The following PTPRJ variants were observed in gnomAD, a reference collection of about 807,000 sequenced individuals.
PTPRJ encodes the protein protein tyrosine phosphatase receptor type J, also known as receptor-type tyrosine-protein phosphatase eta.
A neutral mutation model predicts 141.3 loss-of-function variants in PTPRJ; 129 were observed. The ratio of observed to expected loss-of-function variants is 0.91; its 90% CI spans 0.79 to 1.06. The LOEUF is 1.06. PTPRJ is among the 50% of genes least tolerant of loss of function. The pLI, the probability that PTPRJ is intolerant of heterozygous loss-of-function variation, is 0.00. For missense variants in PTPRJ, 1,601 were observed against 1,679.7 expected, an observed-to-expected ratio of 0.95 and a Z score of 0.82; for synonymous variants, 610 against 640.5, an observed-to-expected ratio of 0.95 and a Z score of 0.72.
chr11:48,108,065 G>A (rs1856341759), intron 1 of PTPRJ, among the ~76,000 whole-genome samples: 2 of 152,218 alleles, frequency 1.3e-5, no homozygotes, highest in African/African-American at 4.8e-5. Context: ...GCCTGTGACA[G>A]AGTGAGACCT....
intron 1 of PTPRJ, among the ~76,000 whole-genome samples, chr11:48,002,717 A>G (rs1425970227): frequency 6.6e-6 from 1 of 152,152 alleles, no homozygotes; most frequent in Non-Finnish European, 1.5e-5. Flanking sequence ...GCCTGAGGTC[A>G]GGTCACCTTG....
At chr11:47,996,672 G>A (rs1565249188) in intron 1 of PTPRJ, among the ~76,000 whole-genome samples, 3 of 152,240 alleles carry the variant, frequency 2.0e-5, no homozygotes, top group Non-Finnish European at 2.9e-5. Flanking sequence ...TGACTTTGGG[G>A]CTGCAGAGTG....
intron 1 of PTPRJ, among the ~76,000 whole-genome samples, chr11:48,052,275 C>T (rs1854590154): frequency 6.6e-6 from 1 of 152,216 alleles, no homozygotes; most frequent in South Asian, 2.1e-4. Context: ...TGAGTTTGTG[C>T]TGGGAGCATA....
At chr11:48,032,863 A>T (rs1281911699) in intron 1 of PTPRJ, among the ~76,000 whole-genome samples, 1 of 152,206 alleles carries the variant, frequency 6.6e-6, no homozygotes, top group African/African-American at 2.4e-5. Context: ...GATATGCCCC[A>T]AACAGACCAA....
At chr11:48,039,378 A>G (rs1272637636) in intron 1 of PTPRJ, among the ~76,000 whole-genome samples, 2 of 151,750 alleles carry the variant, frequency 1.3e-5, no homozygotes, top group Non-Finnish European at 2.9e-5. Flanking sequence ...AAAGTCATAT[A>G]GTAAATGGCA....
intron 1 of PTPRJ, among the ~76,000 whole-genome samples, chr11:47,987,441 C>T (rs1854079911): frequency 6.6e-6 from 1 of 152,160 alleles, no homozygotes; most frequent in Admixed American, 6.5e-5. Flanking sequence ...GTCTGGGGGA[C>T]AGGCACTGAG....
Position 48,167,512 on chromosome 11 carries a change from A to G in PTPRJ, c.*150A>G. 1.1e-6 allele frequency: 1 copy of G among 901,430 alleles called. No individual in the cohort carries two copies. The highest frequency in any genetic ancestry group is 1.6e-6 in the Non-Finnish European group (1 of 629,686). The allele number at this position is 901,430 out of a possible 1,614,324, so 55.8% of individuals were successfully genotyped here. ...TAATTTTGAGGGCATGAAGCTGCAT[A>G]TGATAGATGACAAATTGGGGCTGTC... On this transcript the variant is annotated 3_prime_UTR_variant, in exon 25 of 25. Transcript: ENST00000418331.
chr11:48,128,042 C>T lies in PTPRJ; in HGVS notation c.1356C>T (p.Thr452=). The T allele has an allele frequency of 1.2e-6, 2 of 1,610,664 alleles. No individual in the cohort carries two copies. Among genetic ancestry groups the T allele is most frequent in the South Asian group, 2.2e-5 (2 of 91,002 alleles). The part of the protein sequence containing the change: ...EGTPGFLQVH[T]PPVPVSDFRV... Reference sequence around the variant, plus strand: ...CGCCGGGCTTCCTCCAAGTGCACACCCGTGAGTTCATGCCTGGCTCTCACC... The same window carrying T: ...CGCCGGGCTTCCTCCAAGTGCACACTCGTGAGTTCATGCCTGGCTCTCACC... Residue 452 remains threonine, a splice_region_variant and synonymous_variant, in exon 7 of 25, where the codon ACC becomes ACT. Coordinates refer to ENST00000418331, the MANE Select transcript of PTPRJ (RefSeq NM_002843.4).
chr11:48,092,499 G>A (rs1235218064), intron 1 of PTPRJ, among the ~76,000 whole-genome samples: 1 of 151,374 alleles, frequency 6.6e-6, no homozygotes, highest in Non-Finnish European at 1.5e-5. Flanking sequence ...GCGAGATCTT[G>A]GCTCACTGCA....
At chr11:48,116,624 C>T (rs1222815073) in intron 3 of PTPRJ, among the ~76,000 whole-genome samples, 1 of 152,212 alleles carries the variant, frequency 6.6e-6, no homozygotes, top group South Asian at 2.1e-4. Flanking sequence ...AGAATACACA[C>T]TTTTCAACTG....
At chr11:48,024,647 A>G (rs1215588969) in intron 1 of PTPRJ, among the ~76,000 whole-genome samples, 1 of 152,238 alleles carries the variant, frequency 6.6e-6, no homozygotes, top group African/African-American at 2.4e-5. Context: ...ACTGTACATC[A>G]GCCCTGTTTT....
chr11:48,085,179 A>C (rs1368570579), intron 1 of PTPRJ, among the ~76,000 whole-genome samples: 1 of 152,186 alleles, frequency 6.6e-6, no homozygotes, highest in African/African-American at 2.4e-5. Context: ...ACGCAGAAGC[A>C]AATATGAGAA....
chr11:48,089,211 C>G (rs1855795302), intron 1 of PTPRJ, among the ~76,000 whole-genome samples: 1 of 152,012 alleles, frequency 6.6e-6, no homozygotes, highest in Admixed American at 6.6e-5. Flanking sequence ...CATGACAAGC[C>G]CAGAAACATG....
rs914220804 is a variant in PTPRJ, at chr11:48,062,150, C to T, written c.97-47908C>T. ...CTGGACTCAAGTGATCTGCCTGCCT[C>T]GGCCTCACAAAGTGCTGGGACTACA... On this transcript the variant is annotated intron_variant, in intron 1 of 24. Transcript: ENST00000418331. Among the ~76,000 whole-genome samples the T allele has an allele frequency of 3.3e-5, 5 of 151,440 alleles. No homozygotes were observed. In the East Asian group the frequency reaches 5.9e-4, roughly 18 times the overall value.
intron 12 of PTPRJ, among the ~76,000 whole-genome samples, chr11:48,144,468 G>A (rs1000534934): frequency 6.6e-6 from 1 of 152,224 alleles, no homozygotes; most frequent in African/African-American, 2.4e-5. Flanking sequence ...GAGACAATAA[G>A]CTTATGTGAT....
intron 1 of PTPRJ, among the ~76,000 whole-genome samples, chr11:48,083,575 T>A (rs920597535): frequency 2.0e-5 from 3 of 152,256 alleles, no homozygotes; most frequent in Non-Finnish European, 4.4e-5. Context: ...TTCATTTTTT[T>A]CCACTAGTAC....
chr11:48,002,662 T>C (rs1290693730), intron 1 of PTPRJ, among the ~76,000 whole-genome samples: 1 of 152,164 alleles, frequency 6.6e-6, no homozygotes, highest in East Asian at 1.9e-4. Flanking sequence ...CTTTTCTTCG[T>C]TGTGATTATT....
chr11:48,026,336 G>A (rs1437482701), intron 1 of PTPRJ, among the ~76,000 whole-genome samples: 1 of 152,142 alleles, frequency 6.6e-6, no homozygotes, highest in Non-Finnish European at 1.5e-5. Flanking sequence ...GGAACAGAGG[G>A]TGTGAGAGGA....
intron 6 of PTPRJ, among the ~76,000 whole-genome samples, chr11:48,126,819 C>G (rs999304230): frequency 2.4e-5 from 3 of 123,194 alleles, no homozygotes; most frequent in Admixed American, 1.5e-4. Context: ...CACACACACA[C>G]AGATAAACAC....
Sources: allele counts gnomAD v4.1 joint callset (sites outside exome capture counted in the v4.1 genomes callset), GRCh38; gene constraint gnomAD v4.1.1; transcripts MANE v1.5; gene names NCBI Gene and HGNC (gene_info 2026-07-23, HGNC 2026-07-21).